The following TRIM4 variants were observed in gnomAD, a reference collection of about 807,000 sequenced individuals.
TRIM4 encodes the protein E3 ubiquitin-protein ligase TRIM4.
In TRIM4, 29 loss-of-function variants were observed where a neutral mutation model predicts 33.7. The observed-to-expected ratio is 0.86, with a 90% CI of 0.64 to 1.17. The LOEUF is 1.17. TRIM4 is among the 50% of genes most tolerant of loss of function. The probability of loss-of-function intolerance (pLI) is 0.00; values close to 1 mark genes in which losing one functional copy is unlikely to be tolerated. For missense variants in TRIM4, 554 were observed against 593.7 expected, an observed-to-expected ratio of 0.93 and a Z score of 0.69; for synonymous variants, 224 against 233.0, an observed-to-expected ratio of 0.96 and a Z score of 0.35.
chr7:99,901,917 G>T (rs948835657), intron 5 of TRIM4: 2 of 591,592 alleles, frequency 3.4e-6, no homozygotes, highest in Non-Finnish European at 6.0e-6. Flanking sequence ...AGTACTTTGC[G>T]AACTCTCACT....
chr7:99,919,211 T>C lies in TRIM4; in HGVS notation c.191A>G (p.Asn64Ser), dbSNP rs1364602551. The C allele has an allele frequency of 1.6e-5, 24 of 1,515,114 alleles. No homozygotes were observed. Among genetic ancestry groups the C allele is most frequent in the African/African-American group, 4.3e-5 (3 of 69,928 alleles). 93.9% of individuals were successfully genotyped at this position (1,515,114 alleles called of 1,614,324 possible). A position where few individuals can be genotyped will look rare whatever the true frequency, so the allele number is the denominator to read the frequency against. Reference sequence around the variant, plus strand: ...CTCAGTCAGCCTGGCCAGGGCCCAGTTGGGTCGCAGCGCGGCGGGCGCCGA... The same window carrying C: ...CTCAGTCAGCCTGGCCAGGGCCCAGCTGGGTCGCAGCGCGGCGGGCGCCGA... ...HPSAPAALRP[N>S]WALARLTEKT... is the part of the protein sequence containing the mutation. The change falls in exon 1 of 6, where the codon AAC (asparagine) becomes AGC (serine). Residue 64 changes from asparagine to serine, a missense_variant. By Grantham distance (46) the Asn-to-Ser change is conservative. Coordinates refer to ENST00000349062, the MANE Select transcript of TRIM4 (RefSeq NM_033091.3).
chr7:99,893,858 C>A (rs547761638), intron 5 of TRIM4, among the ~76,000 whole-genome samples: 1 of 152,144 alleles, frequency 6.6e-6, no homozygotes, highest in East Asian at 1.9e-4. Flanking sequence ...TTCCCTCTAA[C>A]TCTCCATGTC....
chr7:99,916,892 G>C, intron 1 of TRIM4: 1 of 709,454 alleles, frequency 1.4e-6, no homozygotes, highest in Non-Finnish European at 2.6e-6. Context: ...GATCCTTCAT[G>C]ATAAGGCCCT....
Position 99,892,681 on chromosome 7 carries a change from C to A in TRIM4, c.907G>T (p.Val303Leu), listed in dbSNP as rs1200477722. 1.2e-5 allele frequency: 20 copies of A among 1,613,988 alleles called. No homozygotes were observed. The highest frequency in any genetic ancestry group is 1.7e-5 in the Non-Finnish European group (20 of 1,180,028). The change falls in exon 6 of 6, where the codon GTG (valine) becomes TTG (leucine). Residue 303 changes from valine (V) to leucine (L), a missense_variant. Transcript: ENST00000349062. ...KLVFSQEGRY[V>L]KNTASASSWP... ...GAACTGGCTGATGCTGTATTTTTCA[C>A]GTATCTCCCTTCCTGGGAGAAGACG...
Position 99,916,690 on chromosome 7 carries a change from G to A in TRIM4, c.393+2319C>T, listed in dbSNP as rs749663373. The A allele has an allele frequency of 1.4e-5, 11 of 780,632 alleles. No individual in the cohort carries two copies. The African/African-American group carries it at 1.9e-4, about 13-fold the overall frequency. 48.4% of individuals were successfully genotyped at this position (780,632 alleles called of 1,614,324 possible). A position where few individuals can be genotyped will look rare whatever the true frequency, so the allele number is the denominator to read the frequency against. On this transcript the variant is annotated intron_variant, in intron 1 of 5. Transcript: ENST00000349062. ...ATCATCCCTGCCCTGAACTAATTCA[G>A]GTCTTTATTACCTCCTGCTTAAAAT...
intron 1 of TRIM4, among the ~76,000 whole-genome samples, chr7:99,913,957 A>G (rs1394491544): frequency 1.3e-5 from 2 of 152,208 alleles, no homozygotes; most frequent in Non-Finnish European, 2.9e-5. Flanking sequence ...AATGAAGACA[A>G]CTGGACCAAA....
intron 1 of TRIM4, among the ~76,000 whole-genome samples, chr7:99,916,155 C>A (rs576268361): frequency 1.3e-5 from 2 of 152,256 alleles, no homozygotes; most frequent in African/African-American, 4.8e-5. Context: ...GGGCTATGTT[C>A]CCCTTTCATA....
At chr7:99,904,857 C>A (rs950518453) in intron 3 of TRIM4, among the ~76,000 whole-genome samples, 1 of 151,784 alleles carries the variant, frequency 6.6e-6, no homozygotes, top group Non-Finnish European at 1.5e-5. Flanking sequence ...CATGATGACA[C>A]CCCATCTCTA....
intron 5 of TRIM4, among the ~76,000 whole-genome samples, chr7:99,897,571 C>T (rs1313483378): frequency 6.6e-6 from 1 of 152,034 alleles, no homozygotes; most frequent in Non-Finnish European, 1.5e-5. Context: ...TATGTAGCAA[C>T]TAAAAAAAAG....
rs778890595 is a variant in TRIM4 at position 99,908,564 on chromosome 7, C to A, written c.720+18G>T. 8.2e-6 allele frequency: 13 copies of A among 1,584,674 alleles called. No individual in the cohort carries two copies. Among genetic ancestry groups the A allele is most frequent in the East Asian group, 2.2e-5 (1 of 44,642 alleles). ...CAGTTAGTGAAGATGAGATCACCCC[C>A]ACTCGTAACTGTCTCACCTGAAGCA... On this transcript the variant is annotated intron_variant, in intron 3 of 5. Coordinates refer to ENST00000349062, the MANE Select transcript of TRIM4 (RefSeq NM_033091.3).
chr7:99,918,927 C>G, intron 1 of TRIM4, 82 bp downstream of exon 1: 3 of 1,420,068 alleles, frequency 2.1e-6, no homozygotes, highest in Admixed American at 2.6e-5. Context: ...ACAGCCACTT[C>G]GTGGCTCTTT....
rs754220704 is a variant in TRIM4 at position 99,892,346 on chromosome 7, C to A, written c.1242G>T (p.Glu414Asp). Residue 414 changes from glutamate (E) to aspartate (D), a missense_variant, in exon 6 of 6, where the codon GAG becomes GAT. Around this residue, in one of 3 missense-constraint regions of TRIM4, gnomAD observed 290 missense variants for 335.8 expected, o/e 0.86. Transcript: ENST00000349062. ...AAACCCCCACTCGGTGGAGAGCTGG[C>A]TCTTGCTGGGTGGGAGTTCCAGGGA... ...IGFPGTPTQQ[E>D]PALHRVGVYL... 2 of 1,614,156 alleles carry A rather than the reference C, an allele frequency of 1.2e-6. No homozygotes were observed. Among genetic ancestry groups the A allele is most frequent in the South Asian group, 2.2e-5 (2 of 91,080 alleles).
In TRIM4 at chr7:99,903,699, T is replaced by C. The variant is rs898060666; in HGVS notation, c.721-101A>G. On this transcript the variant is annotated intron_variant, in intron 3 of 5. Transcript: ENST00000349062. The stretch of plus-strand genomic sequence containing the variant: ...ATTTTCTGACGGTTGCATTTGCTCA[T>C]GTCACATATGATCTCCTGCTGCCAA... 1.4e-5 allele frequency: 18 copies of C among 1,319,088 alleles called. No individual in the cohort carries two copies. The Admixed American group carries it at 2.3e-4, about 17-fold the overall frequency. The allele number at this position is 1,319,088 out of a possible 1,614,324, so 81.7% of individuals were successfully genotyped here.
intron 1 of TRIM4, among the ~76,000 whole-genome samples, chr7:99,917,486 A>G (rs1341206315): frequency 6.6e-6 from 1 of 152,144 alleles, no homozygotes; most frequent in Non-Finnish European, 1.5e-5. Context: ...TTGGGAGGCC[A>G]AGGTGGGTGG....
Position 99,892,202 on chromosome 7 carries a change from T to C in TRIM4, c.1386A>G (p.Leu462=), listed in dbSNP as rs766615194. The C allele has an allele frequency of 3.7e-6, 6 of 1,613,654 alleles. No individual in the cohort carries two copies. Among genetic ancestry groups the C allele is most frequent in the Non-Finnish European group, 5.1e-6 (6 of 1,179,862 alleles). The change falls in exon 6 of 6, where the codon TTA becomes TTG. Residue 462 remains leucine (L), a synonymous_variant. Coordinates refer to ENST00000349062, the MANE Select transcript of TRIM4 (RefSeq NM_033091.3). ...RLRPFFWLSP[L]ASLVIPPVTD... is the part of the protein sequence containing the mutation. ...TCACTGGTGGAATGACTAAAGATGC[T>C]AATGGACTCAACCAAAAAAATGGCC... is the stretch of plus-strand genomic sequence containing the variant.
intron 3 of TRIM4, among the ~76,000 whole-genome samples, chr7:99,903,892 TTGCG>T: frequency 6.6e-6 from 1 of 152,330 alleles, no homozygotes; most frequent in Non-Finnish European, 1.5e-5. Context: ...GCCTGCTCCT[TTGCG>T]TGCCTTTTGG....
chr7:99,894,752 T>C (rs1003899633), intron 5 of TRIM4, among the ~76,000 whole-genome samples: 5 of 152,116 alleles, frequency 3.3e-5, no homozygotes, highest in Admixed American at 2.6e-4. Flanking sequence ...ATTTCTTTCA[T>C]AGAAATAAGA....
chr7:99,902,275 C>T (rs1584265088), intron 5 of TRIM4: 1 of 693,602 alleles, frequency 1.4e-6, no homozygotes, highest in Non-Finnish European at 2.6e-6. Flanking sequence ...GAGACAGAGT[C>T]TCACTCTATC....
chr7:99,908,999 T>C (rs549969743), intron 2 of TRIM4, among the ~76,000 whole-genome samples, 187 bp from the exon 3 acceptor site: 77 of 152,370 alleles, frequency 5.1e-4, no homozygotes, highest in African/African-American at 1.7e-3. Context: ...CTAGTCATTA[T>C]AGTATTCATT....
Sources: gnomAD v4.1 joint callset for allele counts (sites outside exome capture counted in the v4.1 genomes callset) on GRCh38, gnomAD v4.1.1 for gene constraint, gnomAD v4.1.1 regional missense constraint, MANE v1.5 for transcripts, NCBI Gene and HGNC (gene_info 2026-07-23, HGNC 2026-07-21) for gene names.